The following USP9X variants were observed in gnomAD, a reference collection of about 807,000 sequenced individuals.
USP9X encodes the protein ubiquitin specific peptidase 9 X-linked, also known as ubiquitin carboxyl-terminal hydrolase 9X.
In USP9X, 7 loss-of-function variants were observed where a neutral mutation model predicts 190.3. The observed-to-expected ratio is 0.04, with a 90% CI of 0.02 to 0.07. USP9X has a LOEUF of 0.07. Ranked by LOEUF, USP9X falls within the 10% of genes least tolerant of loss-of-function variation. The probability of loss-of-function intolerance (pLI) is 1.00; values close to 1 mark genes in which losing one functional copy is unlikely to be tolerated. For missense variants in USP9X, 1,010 were observed against 1,916.9 expected (o/e 0.53, Z 8.83); for synonymous variants, 645 against 659.5 (o/e 0.98, Z 0.34).
chrX:41,109,771 G>C (rs1251324295), intron 1 of USP9X, among the ~76,000 whole-genome samples: 1 of 77,564 alleles, frequency 1.3e-5, no homozygotes, highest in African/African-American at 4.6e-5. Flanking sequence ...CACTGGGGAT[G>C]GGGGGGGCAG....
chrX:41,234,045 CT>C lies in USP9X; in HGVS notation c.*1536del, dbSNP rs747569481. The C allele has an allele frequency of 2.1e-3, 191 of 93,038 alleles. No homozygotes were observed. Among genetic ancestry groups the C allele is most frequent in the Non-Finnish European group, 2.2e-3 (101 of 46,384 alleles). The allele number at this position is 93,038 out of a possible 1,213,427, so 7.7% of individuals were successfully genotyped here. A position where few individuals can be genotyped will look rare whatever the true frequency, so the allele number is the denominator to read the frequency against. ...TTTTTTTTTGGTTACTTTTTTTGTC[CT>C]TTTTTTTTTTTTTTAAAAGAGGACT... is the stretch of plus-strand genomic sequence containing the variant. On this transcript the variant is annotated 3_prime_UTR_variant, in exon 45 of 45. Coordinates refer to ENST00000378308, the MANE Select transcript of USP9X (RefSeq NM_001039591.3).
intron 31 of USP9X, among the ~76,000 whole-genome samples, chrX:41,203,773 C>T (rs2063064397): frequency 9.0e-6 from 1 of 111,269 alleles, no homozygotes; most frequent in African/African-American, 3.3e-5. Flanking sequence ...TCTCAGCTCA[C>T]TGCAACCTCT....
intron 33 of USP9X, among the ~76,000 whole-genome samples, chrX:41,211,682 C>T (rs1010424145): frequency 2.9e-5 from 3 of 103,816 alleles, no homozygotes; most frequent in African/African-American, 7.2e-5. Context: ...GCCCCCCACC[C>T]GGCCAGCCGC....
chrX:41,142,347 T>C (rs1398947825), intron 9 of USP9X, among the ~76,000 whole-genome samples: 2 of 111,526 alleles, frequency 1.8e-5, no homozygotes, highest in Non-Finnish European at 3.8e-5. Context: ...TATTGTGTTT[T>C]ACAAAATTAT....
At chrX:41,114,486 C>CTTTT (rs1162608288) in intron 1 of USP9X, among the ~76,000 whole-genome samples, 1 of 97,664 alleles carries the variant, frequency 1.0e-5, no homozygotes, top group African/African-American at 3.8e-5. Flanking sequence ...TTTCCCTTTT[C>CTTTT]TTTTTTTTTT....
intron 4 of USP9X, among the ~76,000 whole-genome samples, chrX:41,132,377 C>T (rs1390740388): frequency 9.0e-5 from 9 of 99,480 alleles, no homozygotes; most frequent in African/African-American, 3.4e-4. Flanking sequence ...GATCTTGGCT[C>T]ACTGCAACCT....
intron 15 of USP9X, among the ~76,000 whole-genome samples, chrX:41,165,336 A>C (rs1601990388): frequency 9.0e-6 from 1 of 111,631 alleles, no homozygotes; most frequent in African/African-American, 3.3e-5. Flanking sequence ...ATTGATTCTC[A>C]TGCCTCAGTT....
intron 1 of USP9X, among the ~76,000 whole-genome samples, chrX:41,122,430 T>C (rs749066659): frequency 1.8e-4 from 20 of 112,449 alleles, no homozygotes; most frequent in Non-Finnish European, 3.6e-4. Flanking sequence ...CTTTGTACTT[T>C]GTCTAAGTAC....
chrX:41,099,100 T>TG (rs1457539295), intron 1 of USP9X, among the ~76,000 whole-genome samples: 2 of 45,628 alleles, frequency 4.4e-5, no homozygotes, highest in Non-Finnish European at 4.8e-5. Flanking sequence ...ATAATTGTTT[T>TG]TTTTTTTTTT....
chrX:41,225,023 A>G, intron 40 of USP9X, 26 bp from the exon 41 acceptor site: 1 of 1,207,788 alleles, frequency 8.3e-7, no homozygotes, highest in Non-Finnish European at 1.1e-6. Context: ...TCATTAAGTT[A>G]CTCACCATGT....
intron 1 of USP9X, among the ~76,000 whole-genome samples, chrX:41,087,015 A>C (rs2061918593): frequency 8.9e-6 from 1 of 112,235 alleles, no homozygotes; most frequent in Admixed American, 9.4e-5. Context: ...CTTACACGAG[A>C]ATTTGCAAAA....
rs948390686 is a variant in USP9X, at chrX:41,169,761, T to C, written c.2637-234T>C. Among the ~76,000 whole-genome samples, 9 of 112,185 alleles carry C rather than the reference T, an allele frequency of 8.0e-5. No individual in the cohort carries two copies. The Admixed American group carries it at 8.5e-4, about 11-fold the overall frequency. The stretch of plus-strand genomic sequence containing the variant: ...ATGAGGCACCATGCCTGGCCTTATT[T>C]TCAAGATACTGAAAGTAATACAGGT... On this transcript the variant is annotated intron_variant, in intron 18 of 44. Transcript: ENST00000378308.
Position 41,099,096 on chromosome X carries a change from G to GTTTTTTTTTTTT in USP9X, c.-159+13002_-159+13013dup, listed in dbSNP as rs34179321. On this transcript the variant is annotated intron_variant, in intron 1 of 44. Coordinates refer to ENST00000378308, the MANE Select transcript of USP9X (RefSeq NM_001039591.3). ...CACATGCCATAATGCCCAGATAATT[G>GTTTTTTTTTTTT]TTTTTTTTTTTTTTTTTTTTTTTTT... 8.3e-3 allele frequency among the ~76,000 whole-genome samples: 367 copies of GTTTTTTTTTTTT among 44,253 alleles called. 40 individuals carry two copies. Among genetic ancestry groups the GTTTTTTTTTTTT allele is most frequent in the Admixed American group, 0.013 (35 of 2,618 alleles). 38.4% of individuals were successfully genotyped at this position (44,253 alleles called of 115,157 possible). A position where few individuals can be genotyped will look rare whatever the true frequency, so the allele number is the denominator to read the frequency against.
chrX:41,197,539 A>G (rs1446579058), intron 29 of USP9X, 29 bp downstream of exon 29: 17 of 1,163,470 alleles, frequency 1.5e-5, no homozygotes, highest in Non-Finnish European at 1.7e-5. Flanking sequence ...GTTGTAAGCT[A>G]CATATCATAA....
intron 41 of USP9X, among the ~76,000 whole-genome samples, chrX:41,228,503 A>G (rs954216704): frequency 2.7e-5 from 3 of 112,131 alleles, no homozygotes; most frequent in African/African-American, 9.7e-5. Context: ...CATTATTAGA[A>G]TTCAAATACT....
intron 1 of USP9X, 145 bp downstream of exon 1, chrX:41,086,254 C>T (rs1337469234): frequency 7.0e-6 from 2 of 284,619 alleles, no homozygotes; most frequent in Non-Finnish European, 1.2e-5. Flanking sequence ...TCCCCGTTCC[C>T]CCTCCTCCGG....
At position 41,172,068 on chromosome X, in the gene USP9X, T is replaced by C. The variant is rs1057377623; in HGVS notation, c.3148+110T>C. On this transcript the variant is annotated intron_variant, in intron 21 of 44. Transcript: ENST00000378308. ...TTTTGGTATAGACTATAACAAGAGT[T>C]GACAGATGACAGCCCACAAGCCACA... is the stretch of plus-strand genomic sequence containing the variant. 3.6e-5 allele frequency: 31 copies of C among 870,541 alleles called. No individual in the cohort carries two copies. In the Middle Eastern group the frequency reaches 1.2e-3, roughly 35 times the overall value. 71.7% of individuals were successfully genotyped at this position (870,541 alleles called of 1,213,427 possible). A position where few individuals can be genotyped will look rare whatever the true frequency, so the allele number is the denominator to read the frequency against.
At chrX:41,197,331 T>TGGCCCCCCCCCCCCCCC in intron 28 of USP9X, 33 bp from the exon 29 acceptor site, 1 of 486,758 alleles carries the variant, frequency 2.1e-6, no homozygotes, top group East Asian at 5.9e-5. Flanking sequence ...TTTGATTTCT[T>TGGCCCCCCCCCCCCCCC]CCCCCCCCCA....
intron 1 of USP9X, among the ~76,000 whole-genome samples, chrX:41,122,340 T>G (rs1476271031): frequency 8.9e-6 from 1 of 112,048 alleles, no homozygotes; most frequent in Non-Finnish European, 1.9e-5. Context: ...AGAAGCTAGT[T>G]TAAAAAACCA....
Sources: gnomAD v4.1 joint callset for allele counts (sites outside exome capture counted in the v4.1 genomes callset) on GRCh38, gnomAD v4.1.1 for gene constraint, MANE v1.5 for transcripts, NCBI Gene and HGNC (gene_info 2026-07-23, HGNC 2026-07-21) for gene names.